Variants in PON1 observed in about 807,000 individuals in gnomAD.
PON1 encodes the protein paraoxonase 1.
A neutral mutation model predicts 39.2 loss-of-function variants in PON1; 37 were observed. The ratio of observed to expected loss-of-function variants is 0.94; its 90% CI spans 0.73 to 1.24. The LOEUF is 1.24. Ranked by LOEUF, PON1 falls within the 50% of genes most tolerant of loss-of-function variation. PON1 has a pLI of 0.00. For synonymous variants in PON1, 148 were observed against 152.2 expected, an observed-to-expected ratio of 0.97 and a Z score of 0.21; for missense variants, 397 against 413.5, an observed-to-expected ratio of 0.96 and a Z score of 0.35.
At chr7:95,317,989 A>G (rs868693486) in intron 2 of PON1, among the ~76,000 whole-genome samples, 10 of 152,120 alleles carry the variant, frequency 6.6e-5, no homozygotes, top group Admixed American at 2.0e-4. Context: ...CCTTTATTCA[A>G]TGCTTTATCT....
chr7:95,305,687 G>A (rs1807524147), intron 7 of PON1, among the ~76,000 whole-genome samples: 2 of 151,970 alleles, frequency 1.3e-5, no homozygotes, highest in East Asian at 1.9e-4. Flanking sequence ...GAAGGAGGGG[G>A]TCATGGAGAT....
Position 95,315,333 on chromosome 7 carries a change from A to C in PON1, c.359T>G (p.Phe120Cys), listed in dbSNP as rs368620674. ...SSFNPHGIST[F>C]TDEDNAMYLL... is the part of the protein sequence containing the mutation. ...GTAAATATTGTTACCTTCATCTGTG[A>C]ATGTGCTAATCCCATGAGGGTTAAA... Residue 120 changes from phenylalanine (F) to cysteine (C), a missense_variant, in exon 4 of 9, where the codon TTC (phenylalanine) becomes TGC (cysteine). By Grantham distance (205) the Phe-to-Cys change is radical. Transcript: ENST00000222381. 34 of 1,612,954 alleles carry C rather than the reference A, an allele frequency of 2.1e-5. No homozygotes were observed. The highest frequency in any genetic ancestry group is 2.5e-5 in the Non-Finnish European group (30 of 1,179,212).
chr7:95,321,887 CCATAGTTGT>C (rs1322004602), intron 1 of PON1, among the ~76,000 whole-genome samples: 1 of 152,186 alleles, frequency 6.6e-6, no homozygotes, highest in Admixed American at 6.5e-5. Flanking sequence ...AACTTTCTTA[CCATAGTTGT>C]CATAGTTGTC....
Position 95,302,437 on chromosome 7 carries a change from C to T in PON1, c.781-104G>A, listed in dbSNP as rs1053477503. 9.3e-6 allele frequency: 9 copies of T among 963,612 alleles called. No homozygotes were observed. In the African/African-American group the frequency reaches 9.8e-5, roughly 10 times the overall value. 59.7% of individuals were successfully genotyped at this position (963,612 alleles called of 1,614,324 possible). Reference sequence around the variant, plus strand: ...AGTTGCCTCTTGTCCTTGGTCACCACGCTGCTGCTTCCAAGGATACAATTC... The same window carrying T: ...AGTTGCCTCTTGTCCTTGGTCACCATGCTGCTGCTTCCAAGGATACAATTC... On this transcript the variant is annotated intron_variant, in intron 7 of 8. Transcript: ENST00000222381.
intron 7 of PON1, among the ~76,000 whole-genome samples, chr7:95,304,049 A>C (rs1017312892): frequency 2.0e-5 from 3 of 152,128 alleles, no homozygotes; most frequent in Non-Finnish European, 4.4e-5. Context: ...GTATATTCAC[A>C]ATGTTGTGCA....
chr7:95,318,507 C>T, intron 1 of PON1, 114 bp from the exon 2 acceptor site: 1 of 947,048 alleles, frequency 1.1e-6, no homozygotes, highest in South Asian at 1.4e-5. Context: ...TGAGTTTCAA[C>T]TCCAGAGTTT....
chr7:95,318,434 A>C, intron 1 of PON1, 41 bp from the exon 2 acceptor site: 1 of 1,528,028 alleles, frequency 6.5e-7, no homozygotes, highest in East Asian at 2.3e-5. Flanking sequence ...AAAACTATTC[A>C]GAAATTATAA....
intron 8 of PON1, among the ~76,000 whole-genome samples, chr7:95,300,445 T>C (rs1184737147): frequency 6.6e-6 from 1 of 152,198 alleles, no homozygotes; most frequent in African/African-American, 2.4e-5. Context: ...ACTGCGTGGA[T>C]ATAAAAGGGT....
At chr7:95,313,855 G>A (rs1459936853) in intron 4 of PON1, among the ~76,000 whole-genome samples, 3 of 152,120 alleles carry the variant, frequency 2.0e-5, no homozygotes, top group Non-Finnish European at 4.4e-5. Flanking sequence ...CAGGCAGTGT[G>A]ACACTGGTTT....
chr7:95,308,864 G>A (rs2158155), intron 5 of PON1, among the ~76,000 whole-genome samples: 13,382 of 151,180 alleles, frequency 0.089, 765 homozygotes, highest in African/African-American at 0.14. Context: ...GAATGCTATG[G>A]CTTTTTTTTT....
At chr7:95,309,856 A>C (rs1388382869) in intron 5 of PON1, among the ~76,000 whole-genome samples, 1 of 152,216 alleles carries the variant, frequency 6.6e-6, no homozygotes, top group Non-Finnish European at 1.5e-5. Context: ...AATGTTATAA[A>C]AAACCATAAA....
At position 95,297,939 on chromosome 7, in the gene PON1, C is replaced by T. The variant is rs1300986613; in HGVS notation, c.*1005G>A. 2 of 152,126 alleles carry T rather than the reference C, an allele frequency of 1.3e-5. No homozygotes were observed. Among genetic ancestry groups the T allele is most frequent in the East Asian group, 3.8e-4 (2 of 5,198 alleles). 9.4% of individuals were successfully genotyped at this position (152,126 alleles called of 1,614,324 possible). A position where few individuals can be genotyped will look rare whatever the true frequency, so the allele number is the denominator to read the frequency against. On this transcript the variant is annotated 3_prime_UTR_variant, in exon 9 of 9. Coordinates refer to ENST00000222381, the MANE Select transcript of PON1 (RefSeq NM_000446.7). ...AACCTTTATATATCAGTTTCTATAA[C>T]AAAATGATAAAGTCATGTTTTCTTC...
At position 95,298,399 on chromosome 7, in the gene PON1, A is replaced by G. The variant is rs1384563395; in HGVS notation, c.*545T>C. ...AATATTTACTGAGAAAAAGTCATAT[A>G]TCGAAGGGAAAATGGGAGTAAGTAA... is the stretch of plus-strand genomic sequence containing the variant. On this transcript the variant is annotated 3_prime_UTR_variant, in exon 9 of 9. Coordinates refer to ENST00000222381, the MANE Select transcript of PON1 (RefSeq NM_000446.7). The G allele has an allele frequency of 1.2e-5, 2 of 166,146 alleles. No individual in the cohort carries two copies. The highest frequency in any genetic ancestry group is 2.4e-5 in the African/African-American group (1 of 41,660). The allele number at this position is 166,146 out of a possible 1,614,324, so 10.3% of individuals were successfully genotyped here.
chr7:95,308,920 T>C (rs1807599243), intron 5 of PON1, among the ~76,000 whole-genome samples: 1 of 152,206 alleles, frequency 6.6e-6, no homozygotes, highest in East Asian at 1.9e-4. Flanking sequence ...GTAAGATATA[T>C]GAGTCTATTT....
At chr7:95,314,234 C>A (rs752468231) in intron 4 of PON1, among the ~76,000 whole-genome samples, 1 of 152,108 alleles carries the variant, frequency 6.6e-6, no homozygotes, top group Admixed American at 6.5e-5. Flanking sequence ...GCGGCATGCA[C>A]CTGTGGTCCC....
intron 7 of PON1, among the ~76,000 whole-genome samples, chr7:95,305,813 G>A (rs1243483676): frequency 6.6e-6 from 1 of 152,128 alleles, no homozygotes; most frequent in Non-Finnish European, 1.5e-5. Context: ...GTGAGGGGCA[G>A]CCAGGTCACC....
intron 1 of PON1, among the ~76,000 whole-genome samples, chr7:95,319,129 A>C (rs1481780628): frequency 1.6e-5 from 1 of 63,282 alleles, no homozygotes; most frequent in Non-Finnish European, 3.4e-5. Flanking sequence ...TTAAACAATA[A>C]ACTTTTTTTT....
intron 1 of PON1, among the ~76,000 whole-genome samples, chr7:95,319,131 C>CT (rs369225812): frequency 4.1e-4 from 57 of 138,346 alleles, no homozygotes; most frequent in South Asian, 4.7e-4. Context: ...AAACAATAAA[C>CT]TTTTTTTTTT....
In PON1 at chr7:95,298,872, T is replaced by G. The variant is rs780822549; in HGVS notation, c.*72A>C. Reference sequence around the variant, plus strand: ...GCATTCATTGTTCAGCTAAGAACACTGGGTCCTCGGAATATGGCAAGCGGT... The same window carrying G: ...GCATTCATTGTTCAGCTAAGAACACGGGGTCCTCGGAATATGGCAAGCGGT... On this transcript the variant is annotated 3_prime_UTR_variant, in exon 9 of 9. Coordinates refer to ENST00000222381, the MANE Select transcript of PON1 (RefSeq NM_000446.7). 6.4e-7 allele frequency: 1 copy of G among 1,571,224 alleles called. No individual in the cohort carries two copies. Among genetic ancestry groups the G allele is most frequent in the African/African-American group, 1.4e-5 (1 of 73,888 alleles).
Sources: gnomAD v4.1 joint callset for allele counts (sites outside exome capture counted in the v4.1 genomes callset) on GRCh38, gnomAD v4.1.1 for gene constraint, MANE v1.5 for transcripts, NCBI Gene and HGNC (gene_info 2026-07-23, HGNC 2026-07-21) for gene names.